Variants in REEP3 observed in about 807,000 individuals in gnomAD.
The protein encoded by REEP3 is receptor expression-enhancing protein 3.
REEP3 carries 20 observed loss-of-function variants against 41.3 expected under a neutral mutation model. The observed-to-expected ratio is 0.48, with a 90% CI of 0.34 to 0.70. The LOEUF is 0.70. Among genes scored for constraint, REEP3 ranks in the 30% least tolerant of loss-of-function variants. REEP3 has a pLI of 0.01. For missense variants in REEP3, 271 were observed against 308.8 expected, an observed-to-expected ratio of 0.88 and a Z score of 0.92; for synonymous variants, 104 against 101.8, an observed-to-expected ratio of 1.02 and a Z score of -0.13.
chr10:63,541,628 T>A (rs1955528922), intron 1 of REEP3, among the ~76,000 whole-genome samples: 1 of 149,226 alleles, frequency 6.7e-6, no homozygotes. Flanking sequence ...ACTTATTCTA[T>A]CCAGAGAAGT....
chr10:63,541,304 C>G (rs1009779070), intron 1 of REEP3, among the ~76,000 whole-genome samples: 5 of 152,128 alleles, frequency 3.3e-5, no homozygotes, highest in African/African-American at 1.2e-4. Flanking sequence ...ATGTGTCTAA[C>G]CGTATGACCT....
At chr10:63,522,428 A>C (rs1955287514) in intron 1 of REEP3, among the ~76,000 whole-genome samples, 2 of 152,140 alleles carry the variant, frequency 1.3e-5, no homozygotes, top group Non-Finnish European at 1.5e-5. Flanking sequence ...GTATTTGAAT[A>C]CAGTTTAAAC....
At position 63,521,477 on chromosome 10, in the gene REEP3, C is replaced by T. The variant is rs1426392586; in HGVS notation, c.-69C>T. 8 of 1,098,784 alleles carry T rather than the reference C, an allele frequency of 7.3e-6. No homozygotes were observed. The highest frequency in any genetic ancestry group is 6.7e-5 in the African/African-American group (4 of 59,652). 68.1% of individuals were successfully genotyped at this position (1,098,784 alleles called of 1,614,324 possible). On this transcript the variant is annotated 5_prime_UTR_variant, in exon 1 of 8. Coordinates refer to ENST00000373758, the MANE Select transcript of REEP3 (RefSeq NM_001001330.3). ...GGAGCCGGCGAAGCGCGCGGCCTGC[C>T]GTTGGCGGCCTGGTCCGCAGCGCCC...
chr10:63,599,686 C>G, intron 5 of REEP3: 1 of 986,094 alleles, frequency 1.0e-6, no homozygotes, highest in Non-Finnish European at 1.2e-6. Context: ...TGGCTTACTT[C>G]TGCACCTCTA....
At chr10:63,600,436 T>C (rs752026596) in intron 5 of REEP3, among the ~76,000 whole-genome samples, 4 of 152,228 alleles carry the variant, frequency 2.6e-5, no homozygotes, top group Non-Finnish European at 5.9e-5. Context: ...CACTTTAATA[T>C]AGCATAGTTT....
chr10:63,536,056 A>G (rs1955471055), intron 1 of REEP3, among the ~76,000 whole-genome samples: 1 of 152,176 alleles, frequency 6.6e-6, no homozygotes, highest in African/African-American at 2.4e-5. Context: ...TTTCAAACTA[A>G]TTTGTTTCTG....
Position 63,600,390 on chromosome 10 carries a change from A to C in REEP3, c.417+1107A>C, listed in dbSNP as rs1181808850. Among the ~76,000 whole-genome samples the C allele has an allele frequency of 3.9e-5, 6 of 152,332 alleles. No homozygotes were observed. In the East Asian group the frequency reaches 1.2e-3, roughly 29 times the overall value. On this transcript the variant is annotated intron_variant, in intron 5 of 7. Coordinates refer to ENST00000373758, the MANE Select transcript of REEP3 (RefSeq NM_001001330.3). The stretch of plus-strand genomic sequence containing the variant: ...ATTAACTATGCAGCACTATACATGT[A>C]AGATAACTATATTATTAATGATTAT...
intron 2 of REEP3, among the ~76,000 whole-genome samples, chr10:63,578,738 C>T (rs1484506352): frequency 1.3e-5 from 2 of 152,160 alleles, no homozygotes; most frequent in Non-Finnish European, 2.9e-5. Flanking sequence ...GATCATGCCA[C>T]TGCACTCCAC....
At chr10:63,539,673 A>T (rs1182017006) in intron 1 of REEP3, among the ~76,000 whole-genome samples, 1 of 152,214 alleles carries the variant, frequency 6.6e-6, no homozygotes, top group Admixed American at 6.5e-5. Context: ...AACACATGAT[A>T]AATTAAGATT....
At chr10:63,554,472 A>G (rs1319857521) in intron 1 of REEP3, among the ~76,000 whole-genome samples, 5 of 152,214 alleles carry the variant, frequency 3.3e-5, no homozygotes, top group African/African-American at 1.2e-4. Context: ...GGGATCTGCT[A>G]TGAGCTATAC....
rs551567226 is a variant in REEP3 at position 63,616,998 on chromosome 10, A to AT, written c.566-2647dup. 1.3e-3 allele frequency among the ~76,000 whole-genome samples: 200 copies of AT among 150,350 alleles called. 1 individual carries two copies. Among genetic ancestry groups the AT allele is most frequent in the African/African-American group, 4.4e-3 (181 of 41,108 alleles). ...TTCCTTTGTTTGTTTCTATATGTACATTTTTTTTTTCCACACTTAATATTG... is the reference window on the plus strand; with the variant it reads ...TTCCTTTGTTTGTTTCTATATGTACATTTTTTTTTTTCCACACTTAATATTG... On this transcript the variant is annotated intron_variant, in intron 6 of 7. Transcript: ENST00000373758.
intron 1 of REEP3, among the ~76,000 whole-genome samples, chr10:63,557,788 A>G (rs1381956379): frequency 6.6e-6 from 1 of 152,240 alleles, no homozygotes; most frequent in East Asian, 1.9e-4. Flanking sequence ...ATAGCAATCA[A>G]AGAAAATAAA....
intron 1 of REEP3, among the ~76,000 whole-genome samples, chr10:63,542,066 T>A (rs1955533256): frequency 7.1e-6 from 1 of 141,050 alleles, no homozygotes; most frequent in African/African-American, 2.7e-5. Context: ...CATCACTACT[T>A]CTTTTTGTTT....
chr10:63,606,290 C>T (rs141984466), intron 5 of REEP3, among the ~76,000 whole-genome samples: 3 of 42,416 alleles, frequency 7.1e-5, no homozygotes, highest in Non-Finnish European at 1.7e-4. Context: ...TCTTTCTTTC[C>T]TTTCTTTCTT....
At chr10:63,580,122 C>CGTTGTT (rs532934741) in intron 2 of REEP3, among the ~76,000 whole-genome samples, 2 of 151,438 alleles carry the variant, frequency 1.3e-5, no homozygotes, top group Non-Finnish European at 2.9e-5. Flanking sequence ...AGCTGGTTTT[C>CGTTGTT]GTTGTTGTTG....
At chr10:63,556,987 G>A (rs555120136) in intron 1 of REEP3, among the ~76,000 whole-genome samples, 2 of 152,076 alleles carry the variant, frequency 1.3e-5, no homozygotes, top group East Asian at 3.9e-4. Flanking sequence ...TTGTTATAAT[G>A]GGCTGCCTTT....
intron 5 of REEP3, among the ~76,000 whole-genome samples, chr10:63,602,925 A>G (rs1224237493): frequency 1.3e-5 from 2 of 152,162 alleles, no homozygotes; most frequent in African/African-American, 4.8e-5. Context: ...TGCACAATCT[A>G]CTGTCTGTCT....
intron 5 of REEP3, among the ~76,000 whole-genome samples, chr10:63,604,960 C>T (rs561818093): frequency 6.6e-5 from 10 of 152,220 alleles, no homozygotes; most frequent in South Asian, 2.1e-4. Flanking sequence ...ACCCTTACCA[C>T]GGGACATTTT....
chr10:63,562,255 GTTTTT>G, intron 1 of REEP3, among the ~76,000 whole-genome samples: 1 of 136,078 alleles, frequency 7.3e-6, no homozygotes, highest in South Asian at 2.4e-4. Context: ...ATAAGGCAGA[GTTTTT>G]TTTTTTTTTT....
Sources: allele counts gnomAD v4.1 joint callset (sites outside exome capture counted in the v4.1 genomes callset), GRCh38; gene constraint gnomAD v4.1.1; transcripts MANE v1.5; gene names NCBI Gene and HGNC (gene_info 2026-07-23, HGNC 2026-07-21).